The following ASTN2 variants were observed in gnomAD, a reference collection of about 807,000 sequenced individuals.
ASTN2 encodes the protein astrotactin-2.
ASTN2 carries 54 observed loss-of-function variants against 139.8 expected under a neutral mutation model. The observed-to-expected ratio is 0.39, with a 90% CI of 0.31 to 0.48. The LOEUF is 0.48. Ranked by LOEUF, ASTN2 falls within the 20% of genes least tolerant of loss-of-function variation. The pLI is 0.95. For synonymous variants in ASTN2, 756 were observed against 719.5 expected (o/e 1.05, Z -0.81); for missense variants, 1,565 against 1,725.1 (o/e 0.91, Z 1.64).
chr9:116,751,845 T>C (rs562561223), intron 13 of ASTN2, among the ~76,000 whole-genome samples: 1 of 152,112 alleles, frequency 6.6e-6, no homozygotes, highest in Non-Finnish European at 1.5e-5. Context: ...AAAACTCTGA[T>C]GAAGGAAATA....
chr9:116,454,866 T>C (rs1170476031), intron 20 of ASTN2, among the ~76,000 whole-genome samples: 6 of 151,970 alleles, frequency 3.9e-5, no homozygotes, highest in African/African-American at 1.5e-4. Flanking sequence ...AGGGTGGGGA[T>C]CATCACACAC....
chr9:117,408,018 C>A (rs1831047081), intron 1 of ASTN2, among the ~76,000 whole-genome samples: 1 of 152,120 alleles, frequency 6.6e-6, no homozygotes, highest in Non-Finnish European at 1.5e-5. Flanking sequence ...GGGTGAGAGG[C>A]AGTGAGGCTT....
At chr9:116,673,174 C>G (rs536475913) in intron 16 of ASTN2, among the ~76,000 whole-genome samples, 2 of 152,212 alleles carry the variant, frequency 1.3e-5, no homozygotes, top group Non-Finnish European at 2.9e-5. Flanking sequence ...ATTCTGGCCC[C>G]TATGCTTGGG....
At position 116,771,043 on chromosome 9, in the gene ASTN2, T is replaced by C. The variant is rs144304957; in HGVS notation, c.2396+34589A>G. The stretch of plus-strand genomic sequence containing the variant: ...ATTTTCTGTCATGTTTTCTGCTTTA[T>C]TCATCTGCTGATCTCTCTGCCTAAA... On this transcript the variant is annotated intron_variant, in intron 13 of 22. Transcript: ENST00000313400. 3.6e-3 allele frequency among the ~76,000 whole-genome samples: 555 copies of C among 152,356 alleles called. 2 individuals are homozygous for C. The highest frequency in any genetic ancestry group is 0.012 in the African/African-American group (514 of 41,586).
At chr9:117,294,160 G>T (rs941048078) in intron 1 of ASTN2, among the ~76,000 whole-genome samples, 2 of 152,218 alleles carry the variant, frequency 1.3e-5, no homozygotes, top group Non-Finnish European at 2.9e-5. Context: ...TTTGTACCTA[G>T]CTAGAACCAG....
chr9:117,403,925 G>T (rs1016338013), intron 1 of ASTN2, among the ~76,000 whole-genome samples: 1 of 152,128 alleles, frequency 6.6e-6, no homozygotes, highest in Non-Finnish European at 1.5e-5. Flanking sequence ...TGGGGAGGAG[G>T]GGAGGTGGAG....
intron 5 of ASTN2, among the ~76,000 whole-genome samples, chr9:117,043,932 AAG>A (rs1838658509): frequency 6.6e-6 from 1 of 151,944 alleles, no homozygotes; most frequent in Non-Finnish European, 1.5e-5. Context: ...AAGAAAAGAA[AAG>A]AAAAAAGAAA....
intron 6 of ASTN2, among the ~76,000 whole-genome samples, chr9:117,034,722 G>A (rs1232984372): frequency 2.0e-5 from 3 of 152,106 alleles, no homozygotes; most frequent in Non-Finnish European, 2.9e-5. Context: ...AAATGCAGAC[G>A]ATTTGTAGTT....
intron 19 of ASTN2, among the ~76,000 whole-genome samples, chr9:116,523,267 G>A (rs1218783941): frequency 6.6e-6 from 1 of 151,768 alleles, no homozygotes; most frequent in Non-Finnish European, 1.5e-5. Context: ...GGAAGAGACA[G>A]AAAGGTCATC....
At chr9:117,030,976 T>G (rs1838230952) in intron 6 of ASTN2, among the ~76,000 whole-genome samples, 1 of 152,128 alleles carries the variant, frequency 6.6e-6, no homozygotes, top group Non-Finnish European at 1.5e-5. Flanking sequence ...TAAGTCTGGG[T>G]TGGAGTTCAA....
At chr9:116,912,052 C>T (rs1302889411) in intron 10 of ASTN2, among the ~76,000 whole-genome samples, 4 of 152,230 alleles carry the variant, frequency 2.6e-5, no homozygotes, top group Admixed American at 6.5e-5. Context: ...AGCTTTGCTT[C>T]TCTGTGATGG....
chr9:116,844,847 CACTT>C (rs1257505421), intron 11 of ASTN2, among the ~76,000 whole-genome samples: 4 of 152,212 alleles, frequency 2.6e-5, no homozygotes, highest in African/African-American at 7.2e-5. Flanking sequence ...CTTCAACACA[CACTT>C]ACTGAAGACA....
chr9:116,879,061 G>T (rs1321442527), intron 10 of ASTN2, among the ~76,000 whole-genome samples: 1 of 152,074 alleles, frequency 6.6e-6, no homozygotes, highest in East Asian at 1.9e-4. Context: ...GCATTAGACA[G>T]TAAATGGGGC....
intron 19 of ASTN2, among the ~76,000 whole-genome samples, chr9:116,526,123 A>T (rs762149939): frequency 5.3e-4 from 80 of 152,286 alleles, no homozygotes; most frequent in Non-Finnish European, 9.9e-4. Flanking sequence ...TTCTTCTCTA[A>T]TCCAGACCCA....
chr9:116,592,044 T>C (rs1309041882), intron 19 of ASTN2, among the ~76,000 whole-genome samples: 4 of 152,172 alleles, frequency 2.6e-5, no homozygotes, highest in South Asian at 2.1e-4. Context: ...AAGTCTCATA[T>C]ATAAAATGGC....
At chr9:117,302,574 C>T (rs994466999) in intron 1 of ASTN2, among the ~76,000 whole-genome samples, 63 of 152,138 alleles carry the variant, frequency 4.1e-4, no homozygotes, top group Admixed American at 1.9e-3. Context: ...CATCTTAAGT[C>T]TCTGTTTCTA....
intron 2 of ASTN2, among the ~76,000 whole-genome samples, chr9:117,272,764 C>T (rs1834097224): frequency 6.6e-6 from 1 of 152,192 alleles, no homozygotes; most frequent in Non-Finnish European, 1.5e-5. Context: ...GCACCAGTTC[C>T]CAACAAGTTC....
intron 4 of ASTN2, among the ~76,000 whole-genome samples, chr9:117,120,016 G>A (rs994133201): frequency 0.19 from 6,044 of 32,358 alleles, 299 homozygotes; most frequent in East Asian, 0.32. Flanking sequence ...GTGTGTGTGT[G>A]TGTATATATA....
intron 1 of ASTN2, among the ~76,000 whole-genome samples, chr9:117,304,670 C>T (rs754418164): frequency 3.9e-5 from 6 of 152,156 alleles, no homozygotes; most frequent in Admixed American, 2.0e-4. Context: ...CATGCCTGTT[C>T]GGTGTGTTCA....
Sources: allele counts gnomAD v4.1 joint callset (sites outside exome capture counted in the v4.1 genomes callset), GRCh38; gene constraint gnomAD v4.1.1; transcripts MANE v1.5; gene names NCBI Gene and HGNC (gene_info 2026-07-23, HGNC 2026-07-21).